The following EML6 variants were observed in gnomAD, a reference collection of about 807,000 sequenced individuals.
The protein encoded by EML6 is EMAP like 6, also known as echinoderm microtubule-associated protein-like 6.
In EML6, 154 loss-of-function variants were observed where a neutral mutation model predicts 240.1. That is an observed-to-expected ratio of 0.64 (90% CI 0.56 to 0.73). The LOEUF (loss-of-function observed/expected upper bound fraction) is 0.73. Ranked by LOEUF, EML6 falls within the 30% of genes least tolerant of loss-of-function variation. The pLI, the probability that EML6 is intolerant of heterozygous loss-of-function variation, is 0.00. For synonymous variants in EML6, 1,148 were observed against 899.0 expected (o/e 1.28, Z -4.95); for missense variants, 2,964 against 2,474.6 (o/e 1.20, Z -4.20).
At chr2:54,751,559 T>G (rs547748743) in intron 2 of EML6, among the ~76,000 whole-genome samples, 1 of 152,152 alleles carries the variant, frequency 6.6e-6, no homozygotes, top group Non-Finnish European at 1.5e-5. Flanking sequence ...GGACAAATGC[T>G]CCGCAGCACA....
intron 16 of EML6, among the ~76,000 whole-genome samples, chr2:54,874,719 G>T (rs79649980): frequency 0.057 from 8,713 of 152,262 alleles, 313 homozygotes; most frequent in Non-Finnish European, 0.088. Flanking sequence ...GGGGGTTGGG[G>T]TGAGGGTGTG....
Position 54,774,810 on chromosome 2 carries a change from G to T in EML6, c.198-38422G>T, listed in dbSNP as rs1668529878. Among the ~76,000 whole-genome samples, 1 of 152,138 alleles carries T rather than the reference G, an allele frequency of 6.6e-6. No individual in the cohort carries two copies. The highest frequency in any genetic ancestry group is 6.5e-5 in the Admixed American group (1 of 15,274). On this transcript the variant is annotated intron_variant, in intron 2 of 41. Coordinates refer to ENST00000356458, the MANE Select transcript of EML6 (RefSeq NM_001039753.4). The surrounding 1 kb of genome is among the most constrained non-coding windows in gnomAD (Gnocchi z 4.1). ...CTTTATCTTCTACTCTGTGTGGATT[G>T]GTCTTTAGTCAATGCTTCTCCTAAT...
intron 26 of EML6, 95 bp downstream of exon 26, chr2:54,917,030 G>A: frequency 1.1e-6 from 1 of 903,850 alleles, no homozygotes; most frequent in Non-Finnish European, 1.7e-6. Flanking sequence ...GAAGTCATAA[G>A]CAATTCACAT....
chr2:54,817,978 C>T (rs1422092824), intron 4 of EML6, among the ~76,000 whole-genome samples: 1 of 151,916 alleles, frequency 6.6e-6, no homozygotes, highest in African/African-American at 2.4e-5. Flanking sequence ...TCCAGTAGTT[C>T]CCAATCCTGG....
rs373001496 is a variant in EML6 at position 54,916,845 on chromosome 2, C to T, written c.3585C>T (p.Asp1195=). 7.9e-5 allele frequency: 123 copies of T among 1,551,028 alleles called. No individual in the cohort carries two copies. The highest frequency in any genetic ancestry group is 5.2e-4 in the African/African-American group (38 of 73,160). The part of the protein sequence containing the change: ...GIWPAHSDIT[D]VNAASLTKDC... Reference sequence around the variant, plus strand: ...GGCCAGCACATAGCGATATAACTGACGTAAATGCTGCCAGTCTTACCAAAG... The same window carrying T: ...GGCCAGCACATAGCGATATAACTGATGTAAATGCTGCCAGTCTTACCAAAG... Residue 1195 remains aspartate, a synonymous_variant, in exon 26 of 42, where the codon GAC becomes GAT. Transcript: ENST00000356458.
intron 26 of EML6, among the ~76,000 whole-genome samples, chr2:54,925,408 C>T (rs1408456070): frequency 6.6e-6 from 1 of 152,294 alleles, no homozygotes; most frequent in East Asian, 1.9e-4. Context: ...GCTATATTCT[C>T]GCATTGAGTT....
chr2:54,891,893 A>G (rs561169375), intron 18 of EML6, among the ~76,000 whole-genome samples: 1 of 152,268 alleles, frequency 6.6e-6, no homozygotes, highest in South Asian at 2.1e-4. Context: ...GTAAGGGACA[A>G]ATCTAATGGC....
In EML6 at chr2:54,959,117, T is replaced by C; in HGVS notation, c.4709T>C (p.Phe1570Ser). Residue 1570 changes from phenylalanine to serine, a missense_variant, in exon 34 of 42, where the codon TTC becomes TCC. Coordinates refer to ENST00000356458, the MANE Select transcript of EML6 (RefSeq NM_001039753.4). ...SVAFGANNLT[F>S]TGAINGDVYV... ...TTTTGTTTACAGAACAATCTCACTT[T>C]CACGGGTGCCATCAATGGAGATGTC... The C allele has an allele frequency of 6.4e-7, 1 of 1,550,888 alleles. No individual in the cohort carries two copies. Among genetic ancestry groups the C allele is most frequent in the Non-Finnish European group, 8.7e-7 (1 of 1,146,698 alleles).
chr2:54,900,753 C>G (rs751128121), intron 22 of EML6, among the ~76,000 whole-genome samples: 6 of 152,180 alleles, frequency 3.9e-5, no homozygotes, highest in African/African-American at 1.2e-4. Flanking sequence ...CCCATTGATG[C>G]TCTCCATGCA....
At chr2:54,968,378 G>C in intron 40 of EML6, 97 bp downstream of exon 40, 1 of 1,174,480 alleles carries the variant, frequency 8.5e-7, no homozygotes, top group Non-Finnish European at 1.2e-6. Context: ...GAGACACAGA[G>C]AAACCCTGTC....
Position 54,850,140 on chromosome 2 carries a change from C to G in EML6, c.1366C>G (p.His456Asp), listed in dbSNP as rs1208198692. 6.4e-7 allele frequency: 1 copy of G among 1,551,566 alleles called. No individual in the cohort carries two copies. Among genetic ancestry groups the G allele is most frequent in the Non-Finnish European group, 8.7e-7 (1 of 1,146,704 alleles). Residue 456 changes from histidine (H) to aspartate (D), a missense_variant, in exon 10 of 42, where the codon CAT becomes GAT. By Grantham distance (81) the His-to-Asp change is moderately conservative (BLOSUM62 -1). Transcript: ENST00000356458. ...ECSKSLSFIT[H>D]IDWSLDSKYL... ...CAGCAAGTCCCTTAGTTTCATCACG[C>G]ATATTGACTGGTCCTTGGATAGTAA...
rs1157405230 is a variant in EML6 at position 54,970,124 on chromosome 2, G to A, written c.*29G>A. 2 of 1,551,158 alleles carry A rather than the reference G, an allele frequency of 1.3e-6. No homozygotes were observed. The highest frequency in any genetic ancestry group is 1.7e-6 in the Non-Finnish European group (2 of 1,146,628). ...GCCAGAAGCCTCTTATGTTATTGCT[G>A]CTGCTGCTACCAGCCAGCAACTGCA... On this transcript the variant is annotated 3_prime_UTR_variant, in exon 42 of 42. Coordinates refer to ENST00000356458, the MANE Select transcript of EML6 (RefSeq NM_001039753.4).
intron 2 of EML6, among the ~76,000 whole-genome samples, chr2:54,792,458 C>T (rs1293956185): frequency 6.6e-6 from 1 of 152,184 alleles, no homozygotes; most frequent in Non-Finnish European, 1.5e-5. Flanking sequence ...TCCTAGATAT[C>T]TGACCAAGTG....
intron 12 of EML6, among the ~76,000 whole-genome samples, chr2:54,862,466 C>T (rs1558625169): frequency 6.7e-6 from 1 of 148,152 alleles, no homozygotes; most frequent in Non-Finnish European, 1.5e-5. Context: ...CTTGGAAAGA[C>T]AGATTACTGG....
chr2:54,734,026 A>G (rs958852376), intron 2 of EML6, among the ~76,000 whole-genome samples: 1 of 152,174 alleles, frequency 6.6e-6, no homozygotes, highest in African/African-American at 2.4e-5. Flanking sequence ...AGGGATACTA[A>G]AAGGGCTTAC....
intron 2 of EML6, among the ~76,000 whole-genome samples, chr2:54,790,580 A>G (rs1669380824): frequency 6.6e-6 from 1 of 152,104 alleles, no homozygotes; most frequent in Admixed American, 6.5e-5. Context: ...GAAGCCAAGG[A>G]CCTACATTTT....
At chr2:54,811,397 C>G (rs936339781) in intron 2 of EML6, among the ~76,000 whole-genome samples, 1 of 152,212 alleles carries the variant, frequency 6.6e-6, no homozygotes. Context: ...CGTGAATCCC[C>G]TTTGCACCTT....
intron 26 of EML6, among the ~76,000 whole-genome samples, chr2:54,921,888 A>G (rs1395278315): frequency 6.6e-6 from 1 of 152,194 alleles, no homozygotes; most frequent in Admixed American, 6.5e-5. Flanking sequence ...AAAAGAATGA[A>G]TTTGGACTTT....
chr2:54,779,409 G>A (rs1371608774), intron 2 of EML6, among the ~76,000 whole-genome samples: 1 of 151,956 alleles, frequency 6.6e-6, no homozygotes. Context: ...AGCTGGGTGT[G>A]GTAGCGGGTG....
Sources: gnomAD v4.1 joint callset for allele counts (sites outside exome capture counted in the v4.1 genomes callset) on GRCh38, gnomAD v4.1.1 for gene constraint, Gnocchi (gnomAD v3.1) non-coding constraint, MANE v1.5 for transcripts, NCBI Gene and HGNC (gene_info 2026-07-23, HGNC 2026-07-21) for gene names.